FERMT2: variants seen among roughly 807,000 people sequenced by gnomAD.
FERMT2 encodes fermitin family homolog 2.
In FERMT2, 15 loss-of-function variants were observed where a neutral mutation model predicts 82.7. The ratio of observed to expected loss-of-function variants is 0.18; its 90% CI spans 0.12 to 0.28. The LOEUF is 0.28. Among genes scored for constraint, FERMT2 ranks in the 10% least tolerant of loss-of-function variants. The probability of loss-of-function intolerance (pLI) is 1.00; values close to 1 mark genes in which losing one functional copy is unlikely to be tolerated. For missense variants in FERMT2, 645 were observed against 809.4 expected, an observed-to-expected ratio of 0.80 and a Z score of 2.46; for synonymous variants, 274 against 271.5, an observed-to-expected ratio of 1.01 and a Z score of -0.09.
At chr14:52,940,887 A>G (rs1424976462) in intron 2 of FERMT2, among the ~76,000 whole-genome samples, 11 of 152,230 alleles carry the variant, frequency 7.2e-5, no homozygotes, top group African/African-American at 2.2e-4. Context: ...CAATACTGAC[A>G]GGAAAGTAAA....
chr14:52,880,683 C>A (rs894730237), intron 6 of FERMT2, among the ~76,000 whole-genome samples: 11 of 152,080 alleles, frequency 7.2e-5, no homozygotes, highest in Non-Finnish European at 1.6e-4. Context: ...AGGCGTTGAG[C>A]CACTGCACCC....
intron 12 of FERMT2, chr14:52,860,704 T>C (rs766474778): frequency 2.0e-5 from 11 of 563,160 alleles, no homozygotes; most frequent in East Asian, 9.1e-5. Flanking sequence ...TAGGAGTACA[T>C]AGTTGCCACA....
Position 52,860,474 on chromosome 14 carries a change from G to A in FERMT2, c.1603-9C>T, listed in dbSNP as rs762058174. On this transcript the variant is annotated splice_polypyrimidine_tract_variant and intron_variant, in intron 12 of 14. Transcript: ENST00000341590. ...AAGATTCTCGCTGTTATCTAAACAT[G>A]AGTAAACATCACCTTTACCATTGAA... 14 of 1,607,554 alleles carry A rather than the reference G, an allele frequency of 8.7e-6. No homozygotes were observed. The highest frequency in any genetic ancestry group is 1.2e-5 in the Non-Finnish European group (14 of 1,176,936).
chr14:52,881,592 T>C (rs1886301053), intron 4 of FERMT2, 123 bp from the exon 5 acceptor site: 4 of 870,630 alleles, frequency 4.6e-6, no homozygotes, highest in South Asian at 3.7e-5. Context: ...AAGGAAAGCT[T>C]AGTATATTAT....
intron 3 of FERMT2, among the ~76,000 whole-genome samples, chr14:52,894,142 T>C (rs1242112901): frequency 6.6e-6 from 1 of 152,228 alleles, no homozygotes; most frequent in Non-Finnish European, 1.5e-5. Context: ...TCTCAAATTT[T>C]AATTGATTCA....
At position 52,950,397 on chromosome 14, in the gene FERMT2, T is replaced by C. The variant is rs776497893; in HGVS notation, c.157+15A>G. Reference sequence around the variant, plus strand: ...TGGGAAGTCATTAGTTGGACGCGGCTGGGATGCTACTCACCGAGTTTCTCC... The same window carrying C: ...TGGGAAGTCATTAGTTGGACGCGGCCGGGATGCTACTCACCGAGTTTCTCC... On this transcript the variant is annotated intron_variant, in intron 2 of 14. Transcript: ENST00000341590. 6.2e-7 allele frequency: 1 copy of C among 1,609,612 alleles called. No homozygotes were observed. The highest frequency in any genetic ancestry group is 1.7e-5 in the Admixed American group (1 of 59,584).
chr14:52,860,859 G>A (rs1884885641), intron 12 of FERMT2: 1 of 663,178 alleles, frequency 1.5e-6, no homozygotes, highest in Admixed American at 3.3e-5. Context: ...TTTCTAGCAG[G>A]AATATTTGTT....
At chr14:52,949,781 G>A (rs1890534086) in intron 2 of FERMT2, among the ~76,000 whole-genome samples, 2 of 152,046 alleles carry the variant, frequency 1.3e-5, no homozygotes, top group Admixed American at 1.3e-4. Context: ...TCTTTCCTTG[G>A]CTTGTTATTA....
chr14:52,864,912 A>G, intron 10 of FERMT2, 59 bp from the exon 11 acceptor site: 1 of 987,270 alleles, frequency 1.0e-6, no homozygotes. Flanking sequence ...TCTCAAGTCA[A>G]TACAAGCAGC....
chr14:52,887,013 T>C (rs1328300489), intron 4 of FERMT2, among the ~76,000 whole-genome samples: 3 of 152,220 alleles, frequency 2.0e-5, no homozygotes, highest in Non-Finnish European at 2.9e-5. Context: ...GTCCCACTTT[T>C]GTTAGAAAAA....
intron 3 of FERMT2, among the ~76,000 whole-genome samples, chr14:52,917,064 G>A (rs1888654788): frequency 6.6e-6 from 1 of 152,130 alleles, no homozygotes; most frequent in South Asian, 2.1e-4. Flanking sequence ...TTGCTAGTTG[G>A]AATATAAACT....
At chr14:52,866,560 G>A (rs903137398) in intron 10 of FERMT2, among the ~76,000 whole-genome samples, 1 of 152,070 alleles carries the variant, frequency 6.6e-6, no homozygotes, top group Non-Finnish European at 1.5e-5. Context: ...CCTATACTCA[G>A]GCTGCTTAGC....
At position 52,950,519 on chromosome 14, in the gene FERMT2, G is replaced by A; in HGVS notation, c.50C>T (p.Thr17Met). Residue 17 changes from threonine (T) to methionine (M), a missense_variant, in exon 2 of 15, where the codon ACG becomes ATG. Coordinates refer to ENST00000341590, the MANE Select transcript of FERMT2 (RefSeq NM_006832.3). ...RMPDGCYADGTWELSVHVTDL... is the reference protein window; with the variant it reads ...RMPDGCYADGMWELSVHVTDL... ...CGTCACATGGACACTCAGTTCCCAC[G>A]TCCCGTCCGCGTAGCAGCCATCTGG... 1.2e-6 allele frequency: 2 copies of A among 1,614,094 alleles called. No homozygotes were observed. The highest frequency in any genetic ancestry group is 1.7e-6 in the Non-Finnish European group (2 of 1,180,006).
chr14:52,936,722 T>C (rs1316970521), intron 2 of FERMT2, among the ~76,000 whole-genome samples: 1 of 152,166 alleles, frequency 6.6e-6, no homozygotes, highest in African/African-American at 2.4e-5. Flanking sequence ...TAATTCCTAC[T>C]CTCAGATCTC....
At chr14:52,923,270 T>C (rs568370309) in intron 2 of FERMT2, among the ~76,000 whole-genome samples, 161 of 151,906 alleles carry the variant, frequency 1.1e-3, no homozygotes, top group African/African-American at 3.6e-3. Context: ...TCAATGCCCA[T>C]AAACAGTTTT....
intron 2 of FERMT2, among the ~76,000 whole-genome samples, chr14:52,935,802 G>A (rs746980815): frequency 2.0e-5 from 3 of 152,188 alleles, no homozygotes; most frequent in Non-Finnish European, 4.4e-5. Context: ...AAAATAAAGA[G>A]ATCAACTAAG....
intron 2 of FERMT2, among the ~76,000 whole-genome samples, chr14:52,949,263 T>A (rs1470460002): frequency 6.6e-6 from 1 of 151,924 alleles, no homozygotes; most frequent in African/African-American, 2.4e-5. Context: ...GCAAAATGCA[T>A]CAGAGTGCTA....
intron 4 of FERMT2, among the ~76,000 whole-genome samples, chr14:52,891,790 A>T (rs1023540709): frequency 5.3e-5 from 8 of 152,228 alleles, no homozygotes; most frequent in African/African-American, 1.2e-4. Context: ...ATGGAAATGT[A>T]GGAAACTGCA....
rs374665608 is a variant in FERMT2, at chr14:52,919,165, C to G, written c.349G>C (p.Asp117His). Residue 117 changes from aspartate (D) to histidine (H), a missense_variant, in exon 3 of 15, where the codon GAT (aspartate) becomes CAT (histidine). Transcript: ENST00000341590. Reference sequence around the variant, plus strand: ...TCAGAAACAGCTTTGAAGACTCTATCAGAGAAATTCACTTTCACCTTCACA... The same window carrying G: ...TCAGAAACAGCTTTGAAGACTCTATGAGAGAAATTCACTTTCACCTTCACA... ...KYVKVKVNFS[D>H]RVFKAVSDIC... 1.9e-6 allele frequency: 3 copies of G among 1,613,990 alleles called. No individual in the cohort carries two copies. Among genetic ancestry groups the G allele is most frequent in the Non-Finnish European group, 2.5e-6 (3 of 1,179,910 alleles).
Sources: allele counts gnomAD v4.1 joint callset (sites outside exome capture counted in the v4.1 genomes callset), GRCh38; gene constraint gnomAD v4.1.1; transcripts MANE v1.5; gene names NCBI Gene and HGNC (gene_info 2026-07-23, HGNC 2026-07-21).